Variants in BAZ1B observed in about 807,000 individuals in gnomAD.
The protein encoded by BAZ1B is bromodomain adjacent to zinc finger domain 1B.
Under a neutral mutation model 153.8 loss-of-function variants are expected in BAZ1B, and 22 were observed. The observed-to-expected ratio is 0.14, with a 90% CI of 0.10 to 0.20. The LOEUF (loss-of-function observed/expected upper bound fraction) is 0.20, where lower values mean the gene tolerates loss of function less well. BAZ1B is among the 10% of genes least tolerant of loss of function. The probability of loss-of-function intolerance (pLI) is 1.00; values close to 1 mark genes in which losing one functional copy is unlikely to be tolerated. For missense variants in BAZ1B, 1,325 were observed against 1,799.3 expected, an observed-to-expected ratio of 0.74 and a Z score of 4.77; for synonymous variants, 676 against 633.4, an observed-to-expected ratio of 1.07 and a Z score of -1.01.
At chr7:73,467,779 C>T (rs1314812878) in intron 9 of BAZ1B, among the ~76,000 whole-genome samples, 1 of 152,156 alleles carries the variant, frequency 6.6e-6, no homozygotes, top group Admixed American at 6.5e-5. Flanking sequence ...AATCTTGTCT[C>T]GGGGACACAT....
intron 12 of BAZ1B, 173 bp downstream of exon 12, chr7:73,462,749 A>G: frequency 2.9e-6 from 2 of 684,208 alleles, no homozygotes; most frequent in Non-Finnish European, 4.9e-6. Context: ...AAAAGATAAC[A>G]AGGAAAAAAT....
intron 6 of BAZ1B, among the ~76,000 whole-genome samples, chr7:73,483,897 CT>C (rs1789294495): frequency 6.6e-6 from 1 of 152,178 alleles, no homozygotes; most frequent in South Asian, 2.1e-4. Context: ...ACCTCAGCCC[CT>C]CAAACTGCTG....
chr7:73,464,899 G>A (rs1343792573), intron 11 of BAZ1B, among the ~76,000 whole-genome samples: 1 of 149,384 alleles, frequency 6.7e-6, no homozygotes, highest in East Asian at 1.9e-4. Flanking sequence ...GATAATTTTT[G>A]TTTTGTTTTT....
chr7:73,475,667 G>A (rs957283664), intron 7 of BAZ1B, among the ~76,000 whole-genome samples: 1 of 152,152 alleles, frequency 6.6e-6, no homozygotes, highest in African/African-American at 2.4e-5. Flanking sequence ...GGGCACAGTG[G>A]CTCACGCCTG....
chr7:73,513,873 GA>G (rs112002099), intron 1 of BAZ1B, among the ~76,000 whole-genome samples: 55 of 141,550 alleles, frequency 3.9e-4, no homozygotes, highest in African/African-American at 4.4e-4. Context: ...ACTATTAAAA[GA>G]AAAAAAAAAA....
At chr7:73,454,510 A>T (rs1334656174) in intron 13 of BAZ1B, among the ~76,000 whole-genome samples, 1 of 152,336 alleles carries the variant, frequency 6.6e-6, no homozygotes, top group East Asian at 1.9e-4. Flanking sequence ...GAAGAAATGT[A>T]GGGGGAACAT....
chr7:73,486,352 A>T (rs1789405265), intron 6 of BAZ1B, among the ~76,000 whole-genome samples: 1 of 152,064 alleles, frequency 6.6e-6, no homozygotes, highest in African/African-American at 2.4e-5. Flanking sequence ...TTTGAGACAG[A>T]GTCTCACTTT....
intron 5 of BAZ1B, among the ~76,000 whole-genome samples, chr7:73,492,028 T>C (rs1320642996): frequency 1.3e-5 from 2 of 149,512 alleles, no homozygotes; most frequent in African/African-American, 5.0e-5. Flanking sequence ...TCTCGCTCTA[T>C]GTTGCCCAGG....
chr7:73,496,295 T>C (rs1029496017), intron 4 of BAZ1B, among the ~76,000 whole-genome samples: 1 of 152,138 alleles, frequency 6.6e-6, no homozygotes. Context: ...GCATTCACAA[T>C]ACAGGAGAAA....
In BAZ1B at chr7:73,522,286, C is replaced by T. The variant is rs1554580411; in HGVS notation, c.-353G>A. On this transcript the variant is annotated 5_prime_UTR_variant, in exon 1 of 20. Transcript: ENST00000339594. ...CCTCCTCCCCCGGGCCCGGCCAACGCACACACTAACTTGCTCCCCCGTGGC... is the reference window on the plus strand; with the variant it reads ...CCTCCTCCCCCGGGCCCGGCCAACGTACACACTAACTTGCTCCCCCGTGGC... 2 of 375,726 alleles carry T rather than the reference C, an allele frequency of 5.3e-6. No homozygotes were observed. The highest frequency in any genetic ancestry group is 9.5e-6 in the Non-Finnish European group (2 of 211,594). 23.3% of individuals were successfully genotyped at this position (375,726 alleles called of 1,614,324 possible).
chr7:73,462,090 A>G (rs1788416290), intron 12 of BAZ1B, among the ~76,000 whole-genome samples: 1 of 152,216 alleles, frequency 6.6e-6, no homozygotes. Context: ...TCTAAAAATC[A>G]GCCAGGCATG....
At chr7:73,468,907 A>T (rs1788693324) in intron 9 of BAZ1B, among the ~76,000 whole-genome samples, 1 of 152,188 alleles carries the variant, frequency 6.6e-6, no homozygotes, top group Non-Finnish European at 1.5e-5. Flanking sequence ...AGGTGGGCAG[A>T]TCACCTGAGG....
chr7:73,467,213 T>C (rs1159526196), intron 9 of BAZ1B, among the ~76,000 whole-genome samples: 1 of 151,924 alleles, frequency 6.6e-6, no homozygotes, highest in Non-Finnish European at 1.5e-5. Context: ...ATTACAGGTG[T>C]GAGCTACCAC....
chr7:73,517,912 G>A (rs1258569454), intron 1 of BAZ1B, among the ~76,000 whole-genome samples: 1 of 152,136 alleles, frequency 6.6e-6, no homozygotes, highest in African/African-American at 2.4e-5. Flanking sequence ...ATGTGGCCCA[G>A]ATAAGTATAG....
At position 73,477,910 on chromosome 7, in the gene BAZ1B, T is replaced by G. The variant is rs1563380969; in HGVS notation, c.1551A>C (p.Glu517Asp). 6.2e-7 allele frequency: 1 copy of G among 1,614,232 alleles called. No homozygotes were observed. Residue 517 changes from glutamate to aspartate, a missense_variant, in exon 7 of 20, where the codon GAA becomes GAC. Glu to Asp is a conservative substitution (Grantham distance 45). Coordinates refer to ENST00000339594, the MANE Select transcript of BAZ1B (RefSeq NM_032408.4). This position sits in a 1 kb window ranked among gnomAD's most constrained non-coding sequence, Gnocchi z 5.6. ...SSEDRARLPE[E>D]LRSLVQKRYE... ...AGCGTTTTTGAACAAGACTTCGCAA[T>G]TCTTCTGGGAGACGAGCTCTATCTT... is the stretch of plus-strand genomic sequence containing the variant.
intron 1 of BAZ1B, among the ~76,000 whole-genome samples, chr7:73,518,631 G>A (rs1054413286): frequency 2.0e-5 from 3 of 152,012 alleles, no homozygotes; most frequent in South Asian, 2.1e-4. Flanking sequence ...TCTTGAGTCC[G>A]GTTCAAGGCT....
At chr7:73,515,333 G>A (rs952794409) in intron 1 of BAZ1B, among the ~76,000 whole-genome samples, 1 of 152,064 alleles carries the variant, frequency 6.6e-6, no homozygotes, top group African/African-American at 2.4e-5. Flanking sequence ...TCCCTGAAGA[G>A]GAATGTACCT....
At chr7:73,453,672 T>TACTA (rs1788092974) in intron 13 of BAZ1B, among the ~76,000 whole-genome samples, 1 of 152,196 alleles carries the variant, frequency 6.6e-6, no homozygotes, top group Admixed American at 6.5e-5. Context: ...GTTACCTAGG[T>TACTA]GCTATACACA....
In BAZ1B at chr7:73,517,641, CAAAT is replaced by C. The variant is rs567056236; in HGVS notation, c.107+4182_107+4185del. ...GTTACCAAAATAAGTCACTCACTCTCAAATAACCTCTCAGAGCAAATGCCAATTG... is the reference window on the plus strand; with the variant it reads ...GTTACCAAAATAAGTCACTCACTCTCAACCTCTCAGAGCAAATGCCAATTG... On this transcript the variant is annotated intron_variant, in intron 1 of 19. Coordinates refer to ENST00000339594, the MANE Select transcript of BAZ1B (RefSeq NM_032408.4). Among the ~76,000 whole-genome samples the C allele has an allele frequency of 2.2e-4, 33 of 152,352 alleles. No individual in the cohort carries two copies. In the East Asian group the frequency reaches 5.8e-3, roughly 27 times the overall value.
Sources: allele counts gnomAD v4.1 joint callset (sites outside exome capture counted in the v4.1 genomes callset), GRCh38; gene constraint gnomAD v4.1.1; non-coding constraint Gnocchi (gnomAD v3.1); transcripts MANE v1.5; gene names NCBI Gene and HGNC (gene_info 2026-07-23, HGNC 2026-07-21).